Variants in IQGAP1 observed in about 807,000 individuals in gnomAD.
IQGAP1 encodes IQ motif containing GTPase activating protein 1.
Under a neutral mutation model 215.6 loss-of-function variants are expected in IQGAP1, and 66 were observed. The observed-to-expected ratio is 0.31, with a 90% CI of 0.25 to 0.38. The LOEUF is 0.38. IQGAP1 is among the 10% of genes least tolerant of loss of function. The probability of loss-of-function intolerance (pLI) is 1.00; values close to 1 mark genes in which losing one functional copy is unlikely to be tolerated. For missense variants in IQGAP1, 1,712 were observed against 1,997.1 expected, an observed-to-expected ratio of 0.86 and a Z score of 2.72; for synonymous variants, 772 against 728.7, an observed-to-expected ratio of 1.06 and a Z score of -0.96.
intron 2 of IQGAP1, among the ~76,000 whole-genome samples, chr15:90,416,654 T>C (rs190231296): frequency 8.6e-5 from 13 of 151,820 alleles, no homozygotes; most frequent in Middle Eastern, 3.4e-3. Flanking sequence ...CTTGGCTCAC[T>C]GCAGGCTTCA....
At chr15:90,486,460 G>A (rs1184054930) in intron 31 of IQGAP1, 2 of 221,628 alleles carry the variant, frequency 9.0e-6, no homozygotes, top group Non-Finnish European at 1.8e-5. Flanking sequence ...TGTTTGTTAT[G>A]AGACAGGGTC....
chr15:90,459,016 T>G (rs971883581), intron 15 of IQGAP1, among the ~76,000 whole-genome samples: 1 of 152,162 alleles, frequency 6.6e-6, no homozygotes, highest in Non-Finnish European at 1.5e-5. Flanking sequence ...CACACGAGTG[T>G]CAGTGTGCAA....
chr15:90,392,376 T>C (rs1389709009), intron 2 of IQGAP1, among the ~76,000 whole-genome samples: 1 of 152,252 alleles, frequency 6.6e-6, no homozygotes, highest in Non-Finnish European at 1.5e-5. Flanking sequence ...CTGTAAGATC[T>C]CTGCCATTTA....
At chr15:90,396,884 G>A (rs568001781) in intron 2 of IQGAP1, among the ~76,000 whole-genome samples, 2 of 150,888 alleles carry the variant, frequency 1.3e-5, no homozygotes, top group South Asian at 4.2e-4. Context: ...ACGGAGTCTC[G>A]CTCTGTTGCC....
rs189483206 is a variant in IQGAP1, at chr15:90,483,312, C to T, written c.3556-49C>T. 27 of 1,375,080 alleles carry T rather than the reference C, an allele frequency of 2.0e-5. No individual in the cohort carries two copies. In the East Asian group the frequency reaches 5.1e-4, roughly 26 times the overall value. 85.2% of individuals were successfully genotyped at this position (1,375,080 alleles called of 1,614,324 possible). A position where few individuals can be genotyped will look rare whatever the true frequency, so the allele number is the denominator to read the frequency against. ...TGCTAGCAAAGTCATTTATAGCTTC[C>T]TTGGTGGTATGTCTTTTAATACCCA... On this transcript the variant is annotated intron_variant, in intron 28 of 37. Transcript: ENST00000268182.
At chr15:90,479,211 T>A (rs1029300604) in intron 26 of IQGAP1, among the ~76,000 whole-genome samples, 1 of 152,194 alleles carries the variant, frequency 6.6e-6, no homozygotes, top group African/African-American at 2.4e-5. Context: ...GCACACTGTT[T>A]AGTTTAACTG....
intron 8 of IQGAP1, among the ~76,000 whole-genome samples, chr15:90,442,285 C>G (rs1228769668): frequency 1.3e-5 from 2 of 150,038 alleles, no homozygotes; most frequent in East Asian, 2.0e-4. Context: ...GGCGAAATCC[C>G]ATCTATACTA....
At chr15:90,445,046 C>T (rs570878897) in intron 9 of IQGAP1, among the ~76,000 whole-genome samples, 1 of 152,076 alleles carries the variant, frequency 6.6e-6, no homozygotes, top group Admixed American at 6.6e-5. Context: ...TGCTTGAGCC[C>T]AGGAGGTTGA....
chr15:90,456,582 A>G (rs923130899), intron 15 of IQGAP1, among the ~76,000 whole-genome samples: 2 of 151,972 alleles, frequency 1.3e-5, no homozygotes, highest in African/African-American at 4.8e-5. Flanking sequence ...ACTGAAATAT[A>G]AGATCCAGGG....
At chr15:90,486,660 C>G (rs1415751605) in intron 31 of IQGAP1, 8 of 288,684 alleles carry the variant, frequency 2.8e-5, no homozygotes, top group Non-Finnish European at 5.2e-5. Context: ...TTCCAAAGTG[C>G]TGGGATTGCA....
In IQGAP1 at chr15:90,454,430, A is replaced by T; in HGVS notation, c.1490A>T (p.Tyr497Phe). Reference protein sequence around the residue: ...TNIEEENCQRYLDELMKLKAQ... With the variant: ...TNIEEENCQRFLDELMKLKAQ... ...TTTTACTTGGGGGTCTGGGGCAGGT[A>T]TCTCGATGAGTTGATGAAACTGAAG... Residue 497 changes from tyrosine to phenylalanine, a missense_variant and splice_region_variant, in exon 14 of 38, where the codon TAT becomes TTT. By Grantham distance (22) the Tyr-to-Phe change is conservative. Around this residue, in one of 2 missense-constraint regions of IQGAP1, gnomAD observed 1,021 missense variants for 1,074.2 expected, o/e 0.95. Coordinates refer to ENST00000268182, the MANE Select transcript of IQGAP1 (RefSeq NM_003870.4). 6.2e-7 allele frequency: 1 copy of T among 1,613,732 alleles called. No homozygotes were observed. The highest frequency in any genetic ancestry group is 1.1e-5 in the South Asian group (1 of 91,058).
chr15:90,452,993 A>G (rs566061972), intron 12 of IQGAP1, 55 bp downstream of exon 12: 2 of 1,592,414 alleles, frequency 1.3e-6, no homozygotes, highest in African/African-American at 1.3e-5. Flanking sequence ...ACGTGAGTGT[A>G]ATACCCACTT....
At chr15:90,437,470 TAGTG>T (rs1206476271) in intron 5 of IQGAP1, among the ~76,000 whole-genome samples, 6 of 152,240 alleles carry the variant, frequency 3.9e-5, no homozygotes, top group African/African-American at 1.4e-4. Context: ...TGTGATGTAT[TAGTG>T]AGAAAAATAT....
intron 29 of IQGAP1, 92 bp downstream of exon 29, chr15:90,483,685 C>T (rs983573216): frequency 6.3e-5 from 54 of 854,746 alleles, no homozygotes; most frequent in Non-Finnish European, 9.7e-5. Context: ...CTCTCACTTT[C>T]CCCGGACTGC....
At chr15:90,429,076 C>T (rs770817991) in intron 3 of IQGAP1, among the ~76,000 whole-genome samples, 1 of 152,128 alleles carries the variant, frequency 6.6e-6, no homozygotes, top group Non-Finnish European at 1.5e-5. Flanking sequence ...TGATCTCAAA[C>T]TCCTGACCTC....
At chr15:90,492,847 C>G (rs1207201542) in intron 35 of IQGAP1, 136 bp downstream of exon 35, 4 of 686,882 alleles carry the variant, frequency 5.8e-6, no homozygotes, top group East Asian at 2.8e-5. Context: ...TATTTTACCT[C>G]TAATCATTTG....
intron 18 of IQGAP1, among the ~76,000 whole-genome samples, chr15:90,470,572 AT>A (rs1965891783): frequency 6.6e-6 from 1 of 151,934 alleles, no homozygotes; most frequent in Non-Finnish European, 1.5e-5. Flanking sequence ...ATAATACAAA[AT>A]TTTTTTAAAG....
intron 15 of IQGAP1, among the ~76,000 whole-genome samples, chr15:90,465,055 T>A (rs981622223): frequency 1.3e-5 from 2 of 152,232 alleles, no homozygotes; most frequent in African/African-American, 4.8e-5. Flanking sequence ...GACTATGCTG[T>A]GAGGCTTTTG....
chr15:90,480,140 G>T (rs1966036437), intron 26 of IQGAP1, among the ~76,000 whole-genome samples: 1 of 150,408 alleles, frequency 6.6e-6, no homozygotes, highest in South Asian at 2.1e-4. Flanking sequence ...AGTAGTCCCA[G>T]TTGCTCAGGA....
Sources: allele counts gnomAD v4.1 joint callset (sites outside exome capture counted in the v4.1 genomes callset), GRCh38; gene constraint gnomAD v4.1.1; regional missense constraint gnomAD v4.1.1; transcripts MANE v1.5; gene names NCBI Gene and HGNC (gene_info 2026-07-23, HGNC 2026-07-21).